The following STARD9 variants were observed in gnomAD, a reference collection of about 807,000 sequenced individuals.
The protein encoded by STARD9 is StAR related lipid transfer domain containing 9.
In STARD9, 346 loss-of-function variants were observed where a neutral mutation model predicts 399.8. The observed-to-expected ratio is 0.87, with a 90% confidence interval of 0.79 to 0.95. The LOEUF is 0.95. STARD9 is among the 40% of genes least tolerant of loss of function. The pLI is 0.00. For synonymous variants in STARD9, 2,203 were observed against 2,143.5 expected, an observed-to-expected ratio of 1.03 and a Z score of -0.77; for missense variants, 5,832 against 5,667.5, an observed-to-expected ratio of 1.03 and a Z score of -0.93.
intron 26 of STARD9, among the ~76,000 whole-genome samples, chr15:42,716,164 C>A (rs1695174964): frequency 6.6e-6 from 1 of 152,248 alleles, no homozygotes; most frequent in Admixed American, 6.5e-5. Context: ...CATTGCAGAT[C>A]CAGAGGGTAA....
At chr15:42,667,178 TTTATTTTTTTATG>T (rs2060118673) in intron 15 of STARD9, among the ~76,000 whole-genome samples, 1 of 151,320 alleles carries the variant, frequency 6.6e-6, no homozygotes, top group Admixed American at 6.6e-5. Context: ...TAGATTTATT[TTTATTTTTTTATG>T]TTATTTTTTT....
At chr15:42,612,926 G>C (rs865821954) in intron 3 of STARD9, among the ~76,000 whole-genome samples, 1 of 148,258 alleles carries the variant, frequency 6.7e-6, no homozygotes, top group Admixed American at 6.8e-5. Flanking sequence ...GGAGGTTGCA[G>C]TCAGCCAAGA....
chr15:42,615,715 T>TA (rs869109037), intron 3 of STARD9, among the ~76,000 whole-genome samples: 113 of 140,632 alleles, frequency 8.0e-4, no homozygotes, highest in Middle Eastern at 3.6e-3. Flanking sequence ...AAAAGGAGAT[T>TA]AAAAAAAAAA....
At chr15:42,603,636 C>T (rs1364771684) in intron 3 of STARD9, among the ~76,000 whole-genome samples, 1 of 151,824 alleles carries the variant, frequency 6.6e-6, no homozygotes, top group Non-Finnish European at 1.5e-5. Flanking sequence ...TATGTGGAGA[C>T]GAGGGTTTTT....
chr15:42,685,692 G>C lies in STARD9; in HGVS notation c.4114G>C (p.Glu1372Gln). 1 of 1,537,292 alleles carries C rather than the reference G, an allele frequency of 6.5e-7. No individual in the cohort carries two copies. Among genetic ancestry groups the C allele is most frequent in the Non-Finnish European group, 8.7e-7 (1 of 1,146,964 alleles). Residue 1372 changes from glutamate to glutamine, a missense_variant, in exon 23 of 33, where the codon GAG becomes CAG. Physicochemically the swap from Glu to Gln is conservative, Grantham distance 29. Around this residue, in one of 2 missense-constraint regions of STARD9, gnomAD observed 5,828 missense variants for 5,651.1 expected, o/e 1.03. Coordinates refer to ENST00000290607, the MANE Select transcript of STARD9 (RefSeq NM_020759.3). ...DMQEFHSCKG[E>Q]RPGYWPNTEE... The stretch of plus-strand genomic sequence containing the variant: ...GCAGGAATTTCACTCCTGTAAGGGG[G>C]AGAGGCCTGGATACTGGCCAAATAC...
chr15:42,601,154 G>T (rs2056009967), intron 3 of STARD9, among the ~76,000 whole-genome samples: 1 of 152,122 alleles, frequency 6.6e-6, no homozygotes. Context: ...AGTGGACACA[G>T]CACATGTTTC....
At chr15:42,718,666 G>C in intron 31 of STARD9, 86 bp from the exon 32 acceptor site, 1 of 1,478,384 alleles carries the variant, frequency 6.8e-7, no homozygotes. Context: ...GCCCAGTGTT[G>C]CCTTTCACCA....
intron 26 of STARD9, among the ~76,000 whole-genome samples, chr15:42,704,094 A>G (rs2061025194): frequency 1.3e-5 from 2 of 151,896 alleles, no homozygotes; most frequent in Admixed American, 1.3e-4. Flanking sequence ...TATTTTTAGT[A>G]GAGATGGGGT....
At chr15:42,611,753 G>T (rs1157105523) in intron 3 of STARD9, among the ~76,000 whole-genome samples, 3 of 152,152 alleles carry the variant, frequency 2.0e-5, no homozygotes, top group Non-Finnish European at 4.4e-5. Context: ...AGGACGAGGG[G>T]TGATTAGGTT....
intron 26 of STARD9, among the ~76,000 whole-genome samples, chr15:42,703,530 A>ATTTTTTT (rs35809542): frequency 1.5e-5 from 2 of 135,174 alleles, no homozygotes; most frequent in Non-Finnish European, 1.6e-5. Context: ...TGCCTGGCTG[A>ATTTTTTT]TTTTTTTTTT....
At chr15:42,609,988 G>A (rs1186496540) in intron 3 of STARD9, among the ~76,000 whole-genome samples, 1 of 151,960 alleles carries the variant, frequency 6.6e-6, no homozygotes, top group Admixed American at 6.6e-5. Context: ...AGCTACTCGC[G>A]AGGCTGAGGC....
chr15:42,685,372 T>A lies in STARD9; in HGVS notation c.3794T>A (p.Leu1265Gln). The A allele has an allele frequency of 6.5e-7, 1 of 1,537,246 alleles. No homozygotes were observed. The highest frequency in any genetic ancestry group is 8.7e-7 in the Non-Finnish European group (1 of 1,146,922). ...ATCAACTACAGAACAGCAGCTAGGC[T>A]GGATGCCGTCCTGCCAATGAGCAGT... ...GPINYRTAARLDAVLPMSSSF... is the reference protein window; with the variant it reads ...GPINYRTAARQDAVLPMSSSF... The change falls in exon 23 of 33, where the codon CTG (leucine) becomes CAG (glutamine). Residue 1265 changes from leucine (L) to glutamine (Q), a missense_variant. Leu to Gln is a moderately radical substitution (Grantham distance 113). Transcript: ENST00000290607.
chr15:42,587,381 C>T (rs1435833483), intron 3 of STARD9, among the ~76,000 whole-genome samples: 1 of 152,130 alleles, frequency 6.6e-6, no homozygotes, highest in Non-Finnish European at 1.5e-5. Context: ...GATTTGCTGT[C>T]ACAGTGGGCC....
At chr15:42,674,344 TGG>T (rs2060265510) in intron 16 of STARD9, 94 bp from the exon 17 acceptor site, 16 of 999,348 alleles carry the variant, frequency 1.6e-5, no homozygotes, top group Non-Finnish European at 2.3e-5. Context: ...CAGATGAGGC[TGG>T]GAAGACAGTG....
At chr15:42,707,993 GAAA>G (rs71307484) in intron 26 of STARD9, among the ~76,000 whole-genome samples, 1 of 130,266 alleles carries the variant, frequency 7.7e-6, no homozygotes, top group Non-Finnish European at 1.7e-5. Flanking sequence ...GGGCAACATA[GAAA>G]AAAAAAAAAA....
At chr15:42,646,021 C>T (rs990266052) in intron 7 of STARD9, among the ~76,000 whole-genome samples, 1 of 151,962 alleles carries the variant, frequency 6.6e-6, no homozygotes, top group Non-Finnish European at 1.5e-5. Context: ...ATTAGCCAGA[C>T]GTGGTGGCTG....
In STARD9 at chr15:42,691,875, G is replaced by A. The variant is rs1170836537; in HGVS notation, c.10297G>A (p.Ala3433Thr). 1 of 1,537,304 alleles carries A rather than the reference G, an allele frequency of 6.5e-7. No individual in the cohort carries two copies. The highest frequency in any genetic ancestry group is 8.7e-7 in the Non-Finnish European group (1 of 1,146,924). Residue 3433 changes from alanine (A) to threonine (T), a missense_variant, in exon 23 of 33, where the codon GCC (alanine) becomes ACC (threonine). Ala to Thr is a moderately conservative substitution (Grantham distance 58). Coordinates refer to ENST00000290607, the MANE Select transcript of STARD9 (RefSeq NM_020759.3). ...CTGGATGTCTGGTACTTTGGAACAA[G>A]CCCAACAGGGAAAGCGAGAGAAACT... ...TSWMSGTLEQ[A>T]QQGKREKLGV...
chr15:42,634,771 A>C, intron 3 of STARD9, 85 bp from the exon 4 acceptor site: 2 of 641,448 alleles, frequency 3.1e-6, no homozygotes, highest in Non-Finnish European at 5.1e-6. Flanking sequence ...GAAATATTTT[A>C]TATTTTTTTA....
chr15:42,655,441 C>A (rs956215954), intron 9 of STARD9, among the ~76,000 whole-genome samples: 1 of 152,226 alleles, frequency 6.6e-6, no homozygotes, highest in Non-Finnish European at 1.5e-5. Flanking sequence ...CAAATACTTG[C>A]AGTCAACCGA....
Sources: allele counts gnomAD v4.1 joint callset (sites outside exome capture counted in the v4.1 genomes callset), GRCh38; gene constraint gnomAD v4.1.1; regional missense constraint gnomAD v4.1.1; transcripts MANE v1.5; gene names NCBI Gene and HGNC (gene_info 2026-07-23, HGNC 2026-07-21).